The following CDH13 variants were observed in gnomAD, a reference collection of about 807,000 sequenced individuals.
The protein encoded by CDH13 is cadherin-13.
Under a neutral mutation model 63.8 loss-of-function variants are expected in CDH13, and 24 were observed. The ratio of observed to expected loss-of-function variants is 0.38; its 90% CI spans 0.27 to 0.53. The LOEUF (loss-of-function observed/expected upper bound fraction) is 0.53. CDH13 is among the 20% of genes least tolerant of loss of function. CDH13 has a pLI of 0.85. For synonymous variants in CDH13, 503 were observed against 355.3 expected (o/e 1.42, Z -4.67); for missense variants, 1,049 against 903.1 (o/e 1.16, Z -2.07).
chr16:82,627,035 G>A lies in CDH13; in HGVS notation c.-58G>A. On this transcript the variant is annotated 5_prime_UTR_variant, in exon 1 of 14. It removes an upstream start codon present in the reference 5' UTR. Coordinates refer to ENST00000567109, the MANE Select transcript of CDH13 (RefSeq NM_001257.5). ...AAAGCCTGGCTCCCACGGAAAATAT[G>A]CTCAGTGCAGCCGCGTGCATGAATG... 1 of 1,558,146 alleles carries A rather than the reference G, an allele frequency of 6.4e-7. No homozygotes were observed. The highest frequency in any genetic ancestry group is 8.7e-7 in the Non-Finnish European group (1 of 1,149,842).
chr16:83,654,247 A>C (rs902929107), intron 8 of CDH13, among the ~76,000 whole-genome samples: 18 of 151,916 alleles, frequency 1.2e-4, no homozygotes, highest in African/African-American at 4.4e-4. Context: ...TAAAAATGGC[A>C]AAAAATTGCA....
chr16:83,043,240 A>T (rs1917479180), intron 3 of CDH13, among the ~76,000 whole-genome samples: 1 of 152,218 alleles, frequency 6.6e-6, no homozygotes, highest in Admixed American at 6.5e-5. Flanking sequence ...AGAATCTAAG[A>T]AAACTATATT....
At chr16:83,385,780 C>A (rs1452787909) in intron 6 of CDH13, among the ~76,000 whole-genome samples, 1 of 152,152 alleles carries the variant, frequency 6.6e-6, no homozygotes, top group South Asian at 2.1e-4. Flanking sequence ...CAAATGGAAT[C>A]TTTGGTGAAT....
chr16:83,156,703 G>A (rs1042459453), intron 4 of CDH13, among the ~76,000 whole-genome samples: 9 of 152,132 alleles, frequency 5.9e-5, no homozygotes, highest in Non-Finnish European at 1.2e-4. Flanking sequence ...ATGAAACCAG[G>A]CTTTGACAGC....
At chr16:82,861,505 G>A (rs558783003) in intron 2 of CDH13, among the ~76,000 whole-genome samples, 22 of 152,300 alleles carry the variant, frequency 1.4e-4, no homozygotes, top group African/African-American at 5.3e-4. Context: ...TATGGGGAAT[G>A]TTTATTCTGT....
chr16:83,503,883 G>C (rs1243837819), intron 7 of CDH13, among the ~76,000 whole-genome samples: 1 of 151,336 alleles, frequency 6.6e-6, no homozygotes, highest in African/African-American at 2.4e-5. Flanking sequence ...CTGTGCAGAA[G>C]CTCTTTAGTT....
chr16:83,331,465 T>C (rs2090478840), intron 5 of CDH13, among the ~76,000 whole-genome samples: 1 of 152,214 alleles, frequency 6.6e-6, no homozygotes, highest in African/African-American at 2.4e-5. Flanking sequence ...GTTGCATGTC[T>C]TAGAGTTTAA....
intron 3 of CDH13, among the ~76,000 whole-genome samples, chr16:83,057,007 G>A (rs796668592): frequency 2.1e-4 from 32 of 152,004 alleles, no homozygotes; most frequent in African/African-American, 4.8e-4. Context: ...TCACTCTGTC[G>A]CCAGTCTGGA....
chr16:83,359,543 C>T (rs915259461), intron 6 of CDH13, among the ~76,000 whole-genome samples: 2 of 152,186 alleles, frequency 1.3e-5, no homozygotes, highest in African/African-American at 4.8e-5. Context: ...CTTCTCTTAT[C>T]AGCTGTGTTA....
intron 2 of CDH13, among the ~76,000 whole-genome samples, chr16:83,024,985 A>G (rs1284635523): frequency 1.3e-5 from 2 of 152,192 alleles, no homozygotes; most frequent in Admixed American, 1.3e-4. Flanking sequence ...TTTCCATGGC[A>G]ACAGCCTGAG....
intron 6 of CDH13, among the ~76,000 whole-genome samples, chr16:83,408,719 T>G (rs2092083959): frequency 6.6e-6 from 1 of 152,210 alleles, no homozygotes; most frequent in African/African-American, 2.4e-5. Context: ...AGTTGTCATT[T>G]GAAAAGGGCC....
chr16:83,009,307 G>A (rs1913876587), intron 2 of CDH13, among the ~76,000 whole-genome samples: 1 of 152,230 alleles, frequency 6.6e-6, no homozygotes. Flanking sequence ...TTTAAGCAGA[G>A]TGGATCAGTA....
At chr16:83,538,524 C>T (rs1001765196) in intron 7 of CDH13, among the ~76,000 whole-genome samples, 9 of 152,120 alleles carry the variant, frequency 5.9e-5, no homozygotes, top group African/African-American at 1.9e-4. Context: ...TAGAGTGAAA[C>T]TTGAGAGAAC....
chr16:83,167,469 C>T (rs1256979710), intron 4 of CDH13, among the ~76,000 whole-genome samples: 2 of 143,998 alleles, frequency 1.4e-5, no homozygotes, highest in South Asian at 2.2e-4. Context: ...CATTGCACTC[C>T]AGCCTGAGGG....
intron 2 of CDH13, among the ~76,000 whole-genome samples, chr16:83,014,844 A>ATATATATTTG (rs1914592840): frequency 1.8e-5 from 1 of 54,388 alleles, no homozygotes; most frequent in Admixed American, 2.2e-4. Flanking sequence ...ATATATTTGT[A>ATATATATTTG]TATATATATT....
intron 10 of CDH13, among the ~76,000 whole-genome samples, chr16:83,733,124 G>A (rs572710258): frequency 6.6e-6 from 1 of 152,338 alleles, no homozygotes; most frequent in South Asian, 2.1e-4. Flanking sequence ...TGGGAAGATA[G>A]AAGGTGGTCA....
At chr16:83,543,628 G>A (rs2075331899) in intron 7 of CDH13, among the ~76,000 whole-genome samples, 1 of 152,178 alleles carries the variant, frequency 6.6e-6, no homozygotes, top group East Asian at 1.9e-4. Flanking sequence ...GTTCTCAACT[G>A]GGGGTGATTG....
chr16:82,799,637 T>C (rs1480436752), intron 1 of CDH13, among the ~76,000 whole-genome samples: 1 of 152,244 alleles, frequency 6.6e-6, no homozygotes, highest in Non-Finnish European at 1.5e-5. Flanking sequence ...CCTTGGGAGA[T>C]AGTTGGTTCA....
At chr16:83,726,137 A>C (rs918757040) in intron 10 of CDH13, 3 of 152,236 alleles carry the variant, frequency 2.0e-5, no homozygotes, top group African/African-American at 7.2e-5. Context: ...ACAAGGGATA[A>C]TTTTATAACT....
Sources: gnomAD v4.1 joint callset for allele counts (sites outside exome capture counted in the v4.1 genomes callset) on GRCh38, gnomAD v4.1.1 for gene constraint, MANE v1.5 for transcripts, NCBI Gene and HGNC (gene_info 2026-07-23, HGNC 2026-07-21) for gene names.